Variants in RIMBP2 observed in about 807,000 individuals in gnomAD.
RIMBP2 encodes RIMS-binding protein 2.
Under a neutral mutation model 118.6 loss-of-function variants are expected in RIMBP2, and 48 were observed. The observed-to-expected ratio is 0.40, with a 90% CI of 0.32 to 0.51. The LOEUF is 0.51. Among genes scored for constraint, RIMBP2 ranks in the 20% least tolerant of loss-of-function variants. The probability of loss-of-function intolerance (pLI) is 0.41; values close to 1 mark genes in which losing one functional copy is unlikely to be tolerated. For synonymous variants in RIMBP2, 762 were observed against 742.9 expected (o/e 1.03, Z -0.42); for missense variants, 1,551 against 1,768.3 (o/e 0.88, Z 2.20).
Position 130,688,310 on chromosome 12 carries a change from C to T in RIMBP2, c.-352+27912G>A, listed in dbSNP as rs765416151. Among the ~76,000 whole-genome samples the T allele has an allele frequency of 6.6e-6, 1 of 152,188 alleles. No individual in the cohort carries two copies. The highest frequency in any genetic ancestry group is 1.5e-5 in the Non-Finnish European group (1 of 68,038). Reference sequence around the variant, plus strand: ...CTGTTTCTGAACTCCTCACCTCCAGCCTTTCTAGCCTCACTAGCCTCCCAA... The same window carrying T: ...CTGTTTCTGAACTCCTCACCTCCAGTCTTTCTAGCCTCACTAGCCTCCCAA... On this transcript the variant is annotated intron_variant, in intron 1 of 22. Coordinates refer to ENST00000690449, the MANE Select transcript of RIMBP2 (RefSeq NM_001393629.1). The surrounding 1 kb of genome is among the most constrained non-coding windows in gnomAD (Gnocchi z 4.7).
At chr12:130,436,748 G>T in intron 13 of RIMBP2, 94 bp downstream of exon 13, 1 of 1,063,726 alleles carries the variant, frequency 9.4e-7, no homozygotes, top group Non-Finnish European at 1.2e-6. Context: ...AAGCTGGGAT[G>T]CGGGTCCCCC....
chr12:130,442,264 A>G lies in RIMBP2; in HGVS notation c.1088T>C (p.Leu363Pro), dbSNP rs914346179. 5 of 1,613,972 alleles carry G rather than the reference A, an allele frequency of 3.1e-6. No individual in the cohort carries two copies. The African/African-American group carries it at 6.7e-5, about 22-fold the overall frequency. The change falls in exon 11 of 23, where the codon CTG (leucine) becomes CCG (proline). Residue 363 changes from leucine to proline, a missense_variant. By Grantham distance (98) the Leu-to-Pro change is moderately conservative. This residue lies in a region of RIMBP2 where 265 missense variants were observed against 349.5 expected (regional missense o/e 0.76). Coordinates refer to ENST00000690449, the MANE Select transcript of RIMBP2 (RefSeq NM_001393629.1). The surrounding 1 kb of genome is among the most constrained non-coding windows in gnomAD (Gnocchi z 6.9). ...GATGAGGGCTTTAGTTCTGCTCCCC[A>G]GCGTGAGGTTCATGCGTGTCTCCTT... ...VDKETRMNLT[L>P]GSRTKALIEK...
intron 4 of RIMBP2, among the ~76,000 whole-genome samples, chr12:130,496,732 T>A (rs1179480858): frequency 6.6e-6 from 1 of 152,108 alleles, no homozygotes; most frequent in Non-Finnish European, 1.5e-5. Flanking sequence ...CAGGCACACC[T>A]TTCTCTCACC....
At chr12:130,608,073 C>T (rs975550559) in intron 2 of RIMBP2, among the ~76,000 whole-genome samples, 1 of 152,206 alleles carries the variant, frequency 6.6e-6, no homozygotes, top group Non-Finnish European at 1.5e-5. Flanking sequence ...AAAGATTCAG[C>T]GTCCTAGGAC....
At chr12:130,685,271 T>A (rs1230359635) in intron 1 of RIMBP2, among the ~76,000 whole-genome samples, 1 of 152,216 alleles carries the variant, frequency 6.6e-6, no homozygotes, top group Non-Finnish European at 1.5e-5. Context: ...GTGGAGATGT[T>A]CCTTTGTTTT....
chr12:130,413,056 A>G (rs1329859452), intron 18 of RIMBP2, among the ~76,000 whole-genome samples: 6 of 152,012 alleles, frequency 3.9e-5, no homozygotes. Context: ...TGCTTGGATG[A>G]ATGCATGTTA....
chr12:130,451,171 C>T, intron 8 of RIMBP2, 24 bp downstream of exon 8: 2 of 1,608,626 alleles, frequency 1.2e-6, no homozygotes, highest in Non-Finnish European at 1.7e-6. Context: ...GCAGCCCCGG[C>T]AGCCCCTGCG....
Position 130,494,468 on chromosome 12 carries a change from G to A in RIMBP2, c.-4+12180C>T, listed in dbSNP as rs377571682. 5.9e-5 allele frequency among the ~76,000 whole-genome samples: 9 copies of A among 152,014 alleles called. No homozygotes were observed. The South Asian group carries it at 6.2e-4, about 11-fold the overall frequency. On this transcript the variant is annotated intron_variant, in intron 4 of 22. Transcript: ENST00000690449. ...AGCCTGGCCAACATGCTGAAACCCC[G>A]TCTCTACTCAAAATACAAAAATTAG...
intron 18 of RIMBP2, 85 bp from the exon 19 acceptor site, chr12:130,412,872 G>T (rs2136481608): frequency 8.1e-7 from 1 of 1,232,880 alleles, no homozygotes; most frequent in Non-Finnish European, 1.1e-6. Context: ...AGTGAGTGTA[G>T]TCGAAAATAT....
At position 130,618,080 on chromosome 12, in the gene RIMBP2, C is replaced by T. The variant is rs146275493; in HGVS notation, c.-217+10242G>A. On this transcript the variant is annotated intron_variant, in intron 2 of 22. Coordinates refer to ENST00000690449, the MANE Select transcript of RIMBP2 (RefSeq NM_001393629.1). ...AAGAAAATCTAACTCTCATAAGAGT[C>T]ACGGATCCCCAAAGCAATTTTGCAA... is the stretch of plus-strand genomic sequence containing the variant. Among the ~76,000 whole-genome samples, 1,029 of 145,502 alleles carry T rather than the reference C, an allele frequency of 7.1e-3. 12 individuals are homozygous for T. The highest frequency in any genetic ancestry group is 0.024 in the African/African-American group (963 of 39,412).
At chr12:130,704,499 C>T (rs1309216500) in intron 1 of RIMBP2, among the ~76,000 whole-genome samples, 2 of 151,974 alleles carry the variant, frequency 1.3e-5, no homozygotes, top group Non-Finnish European at 2.9e-5. Context: ...CACTTGAACC[C>T]GGGAGGCAGA....
intron 1 of RIMBP2, among the ~76,000 whole-genome samples, chr12:130,666,014 A>AGAT (rs1244035345): frequency 1.3e-5 from 2 of 152,144 alleles, no homozygotes; most frequent in Admixed American, 1.3e-4. Context: ...AGCAACTTGT[A>AGAT]GATAAGAGAG....
In RIMBP2 at chr12:130,655,648, G is replaced by A. The variant is rs564288099; in HGVS notation, c.-351-27192C>T. ...AAAATGTGTGGTTACTACACAGAGC[G>A]AACAGAGTTCAATTATTCAAACATT... is the stretch of plus-strand genomic sequence containing the variant. On this transcript the variant is annotated intron_variant, in intron 1 of 22. Transcript: ENST00000690449. 1.4e-3 allele frequency among the ~76,000 whole-genome samples: 211 copies of A among 152,302 alleles called. 1 individual carries two copies. Among genetic ancestry groups the A allele is most frequent in the African/African-American group, 4.8e-3 (201 of 41,546 alleles).
Position 130,703,532 on chromosome 12 carries a change from T to C in RIMBP2, c.-352+12690A>G, listed in dbSNP as rs2065958269. On this transcript the variant is annotated intron_variant, in intron 1 of 22. Transcript: ENST00000690449. This position sits in a 1 kb window ranked among gnomAD's most constrained non-coding sequence, Gnocchi z 5.7. Reference sequence around the variant, plus strand: ...CTGCTGCGACCACCCGGTGCTCAGCTCAGGGCTGAGCCGCAGTCTGAGGGC... The same window carrying C: ...CTGCTGCGACCACCCGGTGCTCAGCCCAGGGCTGAGCCGCAGTCTGAGGGC... Among the ~76,000 whole-genome samples the C allele has an allele frequency of 6.6e-6, 1 of 152,122 alleles. No individual in the cohort carries two copies. The highest frequency in any genetic ancestry group is 6.5e-5 in the Admixed American group (1 of 15,282).
chr12:130,397,476 G>A lies in RIMBP2; in HGVS notation c.3974C>T (p.Thr1325Met), dbSNP rs1314695939. The change falls in exon 23 of 23, where the codon ACG becomes ATG. Residue 1325 changes from threonine (T) to methionine (M), a missense_variant. By Grantham distance (81) the Thr-to-Met change is moderately conservative (BLOSUM62 -1). Transcript: ENST00000690449. ...AGGACTACCAGAACCCATAGATGACGTAGGTGACCCCGAATGGAGATGGAC... is the reference window on the plus strand; with the variant it reads ...AGGACTACCAGAACCCATAGATGACATAGGTGACCCCGAATGGAGATGGAC... ...PTVHLHSGSP[T>M]SSMGSGSPGR... 7.5e-6 allele frequency: 3 copies of A among 398,994 alleles called. No homozygotes were observed. The highest frequency in any genetic ancestry group is 1.3e-5 in the Non-Finnish European group (3 of 226,106). The allele number at this position is 398,994 out of a possible 1,614,324, so 24.7% of individuals were successfully genotyped here.
intron 4 of RIMBP2, among the ~76,000 whole-genome samples, chr12:130,494,891 G>T (rs1175346225): frequency 1.3e-5 from 2 of 152,222 alleles, no homozygotes; most frequent in Non-Finnish European, 1.5e-5. Flanking sequence ...AGCACAGAAG[G>T]CTGAAATCCA....
intron 2 of RIMBP2, among the ~76,000 whole-genome samples, chr12:130,544,661 G>A (rs1023856773): frequency 4.2e-5 from 6 of 142,462 alleles, no homozygotes; most frequent in Non-Finnish European, 7.5e-5. Context: ...GTGCAGTGGC[G>A]TGATTTCAGC....
At position 130,456,647 on chromosome 12, in the gene RIMBP2, G is replaced by A; in HGVS notation, c.207C>T (p.Asn69=). ...ACTTCTCCAGGTCCCGGGACAGCAG[G>A]TTGAACTGCTCACTTTGAGTCCGGC... ...EKCRTQSEQF[N]LLSRDLEKFR... The change falls in exon 7 of 23, where the codon AAC becomes AAT. Residue 69 remains asparagine, a synonymous_variant. Transcript: ENST00000690449. 1 of 1,613,088 alleles carries A rather than the reference G, an allele frequency of 6.2e-7. No individual in the cohort carries two copies. Among genetic ancestry groups the A allele is most frequent in the Non-Finnish European group, 8.5e-7 (1 of 1,179,452 alleles).
Position 130,428,395 on chromosome 12 carries a change from G to A in RIMBP2, c.2254-58C>T, listed in dbSNP as rs1044740341. ...TGGCTCCTCCCGCATCCTACAAGAG[G>A]CCAGATTGAGCTTGCCAACCCTTTC... is the stretch of plus-strand genomic sequence containing the variant. On this transcript the variant is annotated intron_variant, in intron 14 of 22. Transcript: ENST00000690449. 7 of 1,533,446 alleles carry A rather than the reference G, an allele frequency of 4.6e-6. No homozygotes were observed. The African/African-American group carries it at 6.9e-5, about 15-fold the overall frequency. The allele number at this position is 1,533,446 out of a possible 1,614,324, so 95.0% of individuals were successfully genotyped here. A position where few individuals can be genotyped will look rare whatever the true frequency, so the allele number is the denominator to read the frequency against.
Sources: gnomAD v4.1 joint callset for allele counts (sites outside exome capture counted in the v4.1 genomes callset) on GRCh38, gnomAD v4.1.1 for gene constraint, gnomAD v4.1.1 regional missense constraint, Gnocchi (gnomAD v3.1) non-coding constraint, MANE v1.5 for transcripts, NCBI Gene and HGNC (gene_info 2026-07-23, HGNC 2026-07-21) for gene names.